Variants in DMD observed in about 807,000 individuals in gnomAD.
DMD encodes the protein mutant dystrophin.
Under a neutral mutation model 330.1 loss-of-function variants are expected in DMD, and 63 were observed. The observed-to-expected ratio is 0.19, with a 90% confidence interval of 0.16 to 0.24. The LOEUF (loss-of-function observed/expected upper bound fraction) is 0.24, where lower values mean the gene tolerates loss of function less well. Ranked by LOEUF, DMD falls within the 10% of genes least tolerant of loss-of-function variation. The probability of loss-of-function intolerance (pLI) is 1.00; values close to 1 mark genes in which losing one functional copy is unlikely to be tolerated. For synonymous variants in DMD, 1,223 were observed against 959.8 expected (o/e 1.27, Z -5.07); for missense variants, 3,344 against 2,684.1 (o/e 1.25, Z -5.43).
intron 9 of DMD, among the ~76,000 whole-genome samples, chrX:32,653,939 C>A (rs949037253): frequency 1.4e-4 from 16 of 111,656 alleles, no homozygotes; most frequent in Non-Finnish European, 5.6e-5. Context: ...GGAGTTCACT[C>A]ATGATTTGCC....
At chrX:31,222,818 C>G (rs1304851554) in intron 64 of DMD, among the ~76,000 whole-genome samples, 1 of 112,147 alleles carries the variant, frequency 8.9e-6, no homozygotes, top group African/African-American at 3.2e-5. Flanking sequence ...TTCTCAATAT[C>G]TTAATTCAAC....
At chrX:32,782,882 T>C (rs1026152807) in intron 7 of DMD, among the ~76,000 whole-genome samples, 1 of 106,744 alleles carries the variant, frequency 9.4e-6, no homozygotes, top group Non-Finnish European at 1.9e-5. Flanking sequence ...CACACACGTA[T>C]ATATATACAT....
At chrX:31,819,893 C>G in intron 50 of DMD, 82 bp downstream of exon 50, 1 of 783,029 alleles carries the variant, frequency 1.3e-6, no homozygotes, top group South Asian at 2.1e-5. Flanking sequence ...AACAAATTTT[C>G]TCTCTCACCC....
intron 52 of DMD, among the ~76,000 whole-genome samples, chrX:31,708,157 C>A (rs919647254): frequency 9.0e-6 from 1 of 111,533 alleles, no homozygotes; most frequent in African/African-American, 3.2e-5. Context: ...TGCACATTGC[C>A]TTTGAAACAC....
intron 2 of DMD, among the ~76,000 whole-genome samples, chrX:32,946,295 CCTA>C (rs1467354929): frequency 9.0e-6 from 1 of 110,612 alleles, no homozygotes; most frequent in Non-Finnish European, 1.9e-5. Flanking sequence ...TTTTAAATGG[CCTA>C]CTTTTTTTTT....
At chrX:32,720,357 T>C (rs1427364617) in intron 7 of DMD, among the ~76,000 whole-genome samples, 2 of 111,909 alleles carry the variant, frequency 1.8e-5, no homozygotes, top group East Asian at 2.8e-4. Flanking sequence ...GGAACACATC[T>C]CATTGCTCTT....
intron 4 of DMD, among the ~76,000 whole-genome samples, chrX:32,840,572 A>C (rs138207900): frequency 0.01 from 1,128 of 111,843 alleles, 9 homozygotes; most frequent in African/African-American, 0.034. Flanking sequence ...ACCGCAGAAG[A>C]TTCTCTTATG....
At chrX:32,205,417 C>T (rs778278818) in intron 44 of DMD, among the ~76,000 whole-genome samples, 9 of 108,705 alleles carry the variant, frequency 8.3e-5, no homozygotes, top group Admixed American at 7.0e-4. Context: ...ATTTTCATAT[C>T]GCTCTCTCTA....
chrX:31,499,013 G>A lies in DMD; in HGVS notation c.8391-2069C>T, dbSNP rs778432665. 7.2e-5 allele frequency among the ~76,000 whole-genome samples: 8 copies of A among 111,771 alleles called. No individual in the cohort carries two copies. The South Asian group carries it at 1.1e-3, about 16-fold the overall frequency. ...AGCATGTAATGTGTAATGGTTAAAC[G>A]AATTCCTTGGGGTGTCTGGAATTCA... On this transcript the variant is annotated intron_variant, in intron 56 of 78. Coordinates refer to ENST00000357033, the MANE Select transcript of DMD (RefSeq NM_004006.3).
intron 55 of DMD, among the ~76,000 whole-genome samples, chrX:31,570,951 G>A (rs1315887423): frequency 9.0e-6 from 1 of 111,465 alleles, no homozygotes; most frequent in East Asian, 2.8e-4. Context: ...CAGCCTGGCT[G>A]GCCCATCAAT....
chrX:32,764,281 A>C (rs1048153887), intron 7 of DMD, among the ~76,000 whole-genome samples: 1 of 111,409 alleles, frequency 9.0e-6, no homozygotes, highest in African/African-American at 3.3e-5. Flanking sequence ...AAGAAAGCTT[A>C]TAGGTTTTTA....
At chrX:33,033,554 C>CAAAAAAAAAAAAAAAAAAAAAAAAAAA (rs775790760) in intron 1 of DMD, among the ~76,000 whole-genome samples, 8 of 74,511 alleles carry the variant, frequency 1.1e-4, no homozygotes, top group African/African-American at 2.8e-4. Flanking sequence ...ACTAAAAATA[C>CAAAAAAAAAAAAAAAAAAAAAAAAAAA]AAAAAAAAAA....
intron 55 of DMD, among the ~76,000 whole-genome samples, chrX:31,563,908 TGACCCTATTTG>T (rs1050090534): frequency 1.3e-4 from 14 of 111,987 alleles, no homozygotes; most frequent in African/African-American, 4.2e-4. Flanking sequence ...CCTCAGAATG[TGACCCTATTTG>T]GAGATAGGGT....
intron 67 of DMD, among the ~76,000 whole-genome samples, chrX:31,184,075 C>T (rs2041473185): frequency 9.1e-6 from 1 of 110,390 alleles, no homozygotes; most frequent in African/African-American, 3.3e-5. Context: ...CACCCGGCTA[C>T]TTTTTGTATT....
At chrX:31,898,358 A>G (rs2094375409) in intron 47 of DMD, among the ~76,000 whole-genome samples, 2 of 109,907 alleles carry the variant, frequency 1.8e-5, no homozygotes, top group Admixed American at 9.6e-5. Flanking sequence ...ACACTACCTG[A>G]CTTCAAACTA....
At chrX:33,108,881 A>AAAAAAAAAAAAAAAAAAAAAAG (rs1201118214) in intron 1 of DMD, among the ~76,000 whole-genome samples, 4 of 99,687 alleles carry the variant, frequency 4.0e-5, no homozygotes, top group Non-Finnish European at 8.3e-5. Flanking sequence ...AAAAAAAAAA[A>AAAAAAAAAAAAAAAAAAAAAAG]AAGAAGAAGA....
At chrX:32,134,888 G>A (rs2096717106) in intron 44 of DMD, among the ~76,000 whole-genome samples, 1 of 112,093 alleles carries the variant, frequency 8.9e-6, no homozygotes, top group Non-Finnish European at 1.9e-5. Flanking sequence ...TTCCATGGGT[G>A]CAAACAGAGT....
intron 25 of DMD, among the ~76,000 whole-genome samples, chrX:32,457,310 G>A (rs765873199): frequency 2.3e-4 from 26 of 111,384 alleles, no homozygotes; most frequent in African/African-American, 8.1e-4. Flanking sequence ...GGCATCAAGA[G>A]AGAAGGGAAG....
chrX:33,116,869 G>A (rs1314826686), intron 1 of DMD, among the ~76,000 whole-genome samples: 2 of 110,760 alleles, frequency 1.8e-5, no homozygotes, highest in Non-Finnish European at 3.8e-5. Flanking sequence ...AGAGTATATA[G>A]ATAAAGTAAC....
Sources: allele counts gnomAD v4.1 joint callset (sites outside exome capture counted in the v4.1 genomes callset), GRCh38; gene constraint gnomAD v4.1.1; transcripts MANE v1.5; gene names NCBI Gene and HGNC (gene_info 2026-07-23, HGNC 2026-07-21).